Variants in TRPC4 observed in about 807,000 individuals in gnomAD.
TRPC4 encodes short transient receptor potential channel 4.
Under a neutral mutation model 99.4 loss-of-function variants are expected in TRPC4, and 49 were observed. The ratio of observed to expected loss-of-function variants is 0.49; its 90% CI spans 0.39 to 0.63. The LOEUF is 0.63. TRPC4 is among the 20% of genes least tolerant of loss of function. TRPC4 has a pLI of 0.00. For missense variants in TRPC4, 898 were observed against 1,152.9 expected, an observed-to-expected ratio of 0.78 and a Z score of 3.20; for synonymous variants, 454 against 425.9, an observed-to-expected ratio of 1.07 and a Z score of -0.81.
chr13:37,637,211 C>A lies in TRPC4; in HGVS notation c.2626G>T (p.Ala876Ser), dbSNP rs751793234. 6.2e-6 allele frequency: 10 copies of A among 1,613,920 alleles called. No homozygotes were observed. The highest frequency in any genetic ancestry group is 1.6e-4 in the Middle Eastern group (1 of 6,062). Residue 876 changes from alanine (A) to serine (S), a missense_variant, in exon 11 of 11, where the codon GCT (alanine) becomes TCT (serine). By Grantham distance (99) the Ala-to-Ser change is moderately conservative. Coordinates refer to ENST00000379705, the MANE Select transcript of TRPC4 (RefSeq NM_016179.4). ...ATATTTCTCTCAAGTGGTCCTGCAGCCTGTTGACGAGCAACTTCTTCTGAA... is the reference window on the plus strand; with the variant it reads ...ATATTTCTCTCAAGTGGTCCTGCAGACTGTTGACGAGCAACTTCTTCTGAA... ...SVSEEVARQQ[A>S]AGPLERNIQL...
rs147894357 is a variant in TRPC4 at position 37,840,995 on chromosome 13, A to G, written c.-28+28600T>C. On this transcript the variant is annotated intron_variant, in intron 1 of 10. Transcript: ENST00000379705. ...TGAATATAGAATTCAACACAAACCCACCTAATTCTAATCAGCACAAAGCCA... is the reference window on the plus strand; with the variant it reads ...TGAATATAGAATTCAACACAAACCCGCCTAATTCTAATCAGCACAAAGCCA... Among the ~76,000 whole-genome samples the G allele has an allele frequency of 4.6e-5, 7 of 152,170 alleles. No individual in the cohort carries two copies. In the East Asian group the frequency reaches 1.2e-3, roughly 25 times the overall value.
intron 1 of TRPC4, among the ~76,000 whole-genome samples, chr13:37,849,787 G>A (rs779927465): frequency 2.6e-5 from 4 of 152,278 alleles, no homozygotes; most frequent in Non-Finnish European, 5.9e-5. Context: ...TGCTGTGTTG[G>A]GAGCCAATCA....
chr13:37,703,513 G>A (rs528255907), intron 3 of TRPC4, among the ~76,000 whole-genome samples: 2 of 152,112 alleles, frequency 1.3e-5, no homozygotes, highest in Non-Finnish European at 2.9e-5. Flanking sequence ...AATAAAAAAT[G>A]GGGACTAAAA....
At chr13:37,669,391 C>T (rs1952759809) in intron 5 of TRPC4, among the ~76,000 whole-genome samples, 1 of 152,116 alleles carries the variant, frequency 6.6e-6, no homozygotes, top group Non-Finnish European at 1.5e-5. Flanking sequence ...ATACTTCATA[C>T]ACAGTGAAAA....
chr13:37,685,166 C>A (rs1953420045), intron 4 of TRPC4, among the ~76,000 whole-genome samples: 1 of 152,128 alleles, frequency 6.6e-6, no homozygotes, highest in Non-Finnish European at 1.5e-5. Flanking sequence ...GAAACATGGT[C>A]CATTCAAATT....
At chr13:37,809,244 A>G (rs1282341602) in intron 1 of TRPC4, among the ~76,000 whole-genome samples, 1 of 152,098 alleles carries the variant, frequency 6.6e-6, no homozygotes, top group Admixed American at 6.6e-5. Context: ...ACTTCAGTGA[A>G]TATCAAAATT....
chr13:37,797,524 G>A (rs1463749396), intron 1 of TRPC4, among the ~76,000 whole-genome samples: 2 of 152,046 alleles, frequency 1.3e-5, no homozygotes, highest in South Asian at 2.1e-4. Context: ...AGCGAAAAAA[G>A]TAGAAGATAT....
chr13:37,761,779 C>T (rs946772956), intron 2 of TRPC4, among the ~76,000 whole-genome samples: 1 of 151,766 alleles, frequency 6.6e-6, no homozygotes, highest in South Asian at 2.1e-4. Context: ...ATTTGTTTCT[C>T]CTCACATAAA....
At chr13:37,690,827 C>A (rs1220870404) in intron 4 of TRPC4, among the ~76,000 whole-genome samples, 6 of 150,422 alleles carry the variant, frequency 4.0e-5, no homozygotes, top group Non-Finnish European at 7.4e-5. Context: ...TTTTTTCTGC[C>A]TTGATGTCAT....
chr13:37,824,307 A>G (rs1353406035), intron 1 of TRPC4, among the ~76,000 whole-genome samples: 11 of 145,300 alleles, frequency 7.6e-5, no homozygotes, highest in African/African-American at 2.8e-4. Context: ...TTCCAACACT[A>G]TGTTGAATAG....
At chr13:37,725,735 A>C (rs1004994625) in intron 3 of TRPC4, among the ~76,000 whole-genome samples, 2 of 152,180 alleles carry the variant, frequency 1.3e-5, no homozygotes, top group Non-Finnish European at 2.9e-5. Flanking sequence ...TTGGATAAAA[A>C]AGATTCCTAT....
rs543637736 is a variant in TRPC4, at chr13:37,634,586, G to C, written c.*2317C>G. Among the ~76,000 whole-genome samples the C allele has an allele frequency of 3.6e-4, 54 of 152,096 alleles. No homozygotes were observed. The highest frequency in any genetic ancestry group is 1.2e-3 in the African/African-American group (50 of 41,510). ...CTACTGGGGGAAAAAAGGTTTTGTTGCTTGTACTGTTATTGGTGTTGCTTG... is the reference window on the plus strand; with the variant it reads ...CTACTGGGGGAAAAAAGGTTTTGTTCCTTGTACTGTTATTGGTGTTGCTTG... On this transcript the variant is annotated 3_prime_UTR_variant, in exon 11 of 11. Transcript: ENST00000379705.
rs140911831 is a variant in TRPC4, at chr13:37,637,534, G to A, written c.2303C>T (p.Ser768Leu). The A allele has an allele frequency of 3.7e-6, 6 of 1,613,472 alleles. No homozygotes were observed. The highest frequency in any genetic ancestry group is 4.2e-6 in the Non-Finnish European group (5 of 1,179,734). Residue 768 changes from serine to leucine, a missense_variant, in exon 11 of 11, where the codon TCG becomes TTG. Ser to Leu is a moderately radical substitution (Grantham distance 145). Around this residue, in one of 3 missense-constraint regions of TRPC4, gnomAD observed 346 missense variants for 351.4 expected, o/e 0.98. Transcript: ENST00000379705. Reference protein sequence around the residue: ...KLSTIQSANASKESSNSADSD... With the variant: ...KLSTIQSANALKESSNSADSD... Reference sequence around the variant, plus strand: ...GTCTGCCGAATTTGAAGACTCCTTCGAGGCATTCGCAGATTGTATTGTGGA... The same window carrying A: ...GTCTGCCGAATTTGAAGACTCCTTCAAGGCATTCGCAGATTGTATTGTGGA...
chr13:37,746,858 T>G (rs1955801339), intron 2 of TRPC4, among the ~76,000 whole-genome samples: 1 of 152,166 alleles, frequency 6.6e-6, no homozygotes, highest in East Asian at 1.9e-4. Context: ...AATGATTTGT[T>G]TTAAACCCAA....
At chr13:37,774,801 G>A (rs1956653446) in intron 2 of TRPC4, among the ~76,000 whole-genome samples, 1 of 151,672 alleles carries the variant, frequency 6.6e-6, no homozygotes, top group Admixed American at 6.6e-5. Flanking sequence ...GGGAATAAGT[G>A]AATATAGCAG....
intron 1 of TRPC4, among the ~76,000 whole-genome samples, chr13:37,825,762 G>A (rs1958185438): frequency 6.6e-6 from 1 of 151,084 alleles, no homozygotes; most frequent in Admixed American, 6.6e-5. Context: ...GATTTGGGGT[G>A]GAGAGTTCTG....
chr13:37,659,488 T>C (rs183567037), intron 6 of TRPC4, among the ~76,000 whole-genome samples: 106 of 152,220 alleles, frequency 7.0e-4, no homozygotes, highest in Admixed American at 2.2e-3. Flanking sequence ...TATTTCTTCA[T>C]TGCAACAAAA....
At chr13:37,841,820 A>G (rs543232206) in intron 1 of TRPC4, among the ~76,000 whole-genome samples, 3 of 152,278 alleles carry the variant, frequency 2.0e-5, no homozygotes, top group Admixed American at 6.5e-5. Context: ...TAACTGCTCT[A>G]AAAAACAGTT....
rs1258001409 is a variant in TRPC4 at position 37,639,248 on chromosome 13, G to A, written c.2121+10C>T. The A allele has an allele frequency of 1.9e-6, 3 of 1,613,438 alleles. No homozygotes were observed. Among genetic ancestry groups the A allele is most frequent in the Non-Finnish European group, 1.7e-6 (2 of 1,179,666 alleles). On this transcript the variant is annotated intron_variant, in intron 9 of 10. Coordinates refer to ENST00000379705, the MANE Select transcript of TRPC4 (RefSeq NM_016179.4). ...TGAAAATTTCAAGACATAGTACAAGGACAACTTACTTGGTATTGGTGATGT... is the reference window on the plus strand; with the variant it reads ...TGAAAATTTCAAGACATAGTACAAGAACAACTTACTTGGTATTGGTGATGT...
Sources: allele counts gnomAD v4.1 joint callset (sites outside exome capture counted in the v4.1 genomes callset), GRCh38; gene constraint gnomAD v4.1.1; regional missense constraint gnomAD v4.1.1; transcripts MANE v1.5; gene names NCBI Gene and HGNC (gene_info 2026-07-23, HGNC 2026-07-21).